LRRTM4: variants seen among roughly 807,000 people sequenced by gnomAD.
The protein encoded by LRRTM4 is leucine-rich repeat transmembrane neuronal protein 4.
Under a neutral mutation model 47.6 loss-of-function variants are expected in LRRTM4, and 25 were observed. The observed-to-expected ratio is 0.53, with a 90% CI of 0.38 to 0.73. LRRTM4 has a LOEUF of 0.73. LRRTM4 is among the 30% of genes least tolerant of loss of function. LRRTM4 has a pLI of 0.00. For missense variants in LRRTM4, 638 were observed against 713.4 expected (o/e 0.89, Z 1.20); for synonymous variants, 311 against 269.5 (o/e 1.15, Z -1.51).
intron 3 of LRRTM4, among the ~76,000 whole-genome samples, chr2:77,044,932 T>C (rs1393526253): frequency 6.6e-6 from 1 of 151,862 alleles, no homozygotes; most frequent in Non-Finnish European, 1.5e-5. Context: ...TATATGTGTA[T>C]ATGTGTGTGT....
intron 3 of LRRTM4, among the ~76,000 whole-genome samples, chr2:77,216,544 A>AAAAT (rs1043864227): frequency 2.6e-4 from 39 of 152,132 alleles, no homozygotes; most frequent in Admixed American, 7.2e-4. Flanking sequence ...AATCCATCTC[A>AAAAT]AAATAAATAA....
rs888026693 is a variant in LRRTM4, at chr2:76,869,323, T to A, written c.1552-120407A>T. 1.2e-4 allele frequency among the ~76,000 whole-genome samples: 18 copies of A among 149,514 alleles called. 1 individual carries two copies. The highest frequency in any genetic ancestry group is 5.3e-4 in the Admixed American group (8 of 15,080). On this transcript the variant is annotated intron_variant, in intron 3 of 3. Coordinates refer to ENST00000409884, the MANE Select transcript of LRRTM4 (RefSeq NM_001134745.3). ...ACTTCATCTCAAAGAAAAAAAAAAA[T>A]GTAAGGTAAGGCAGAAAATTTCCAG...
intron 3 of LRRTM4, among the ~76,000 whole-genome samples, chr2:77,449,357 G>A (rs1306634341): frequency 6.6e-6 from 1 of 152,102 alleles, no homozygotes; most frequent in African/African-American, 2.4e-5. Flanking sequence ...TTTATCTCAT[G>A]TTTTAAATAA....
At chr2:76,849,233 G>A (rs888148747) in intron 3 of LRRTM4, among the ~76,000 whole-genome samples, 7 of 152,086 alleles carry the variant, frequency 4.6e-5, no homozygotes, top group Non-Finnish European at 8.8e-5. Flanking sequence ...CCAAGGAAGG[G>A]CAATCATCTG....
intron 3 of LRRTM4, among the ~76,000 whole-genome samples, chr2:76,950,267 C>T (rs1345038972): frequency 6.6e-6 from 1 of 151,904 alleles, no homozygotes; most frequent in Non-Finnish European, 1.5e-5. Flanking sequence ...TCAAAGGTCT[C>T]TATGGTAATG....
chr2:77,095,730 C>T (rs902378210), intron 3 of LRRTM4, among the ~76,000 whole-genome samples: 14 of 151,826 alleles, frequency 9.2e-5, no homozygotes, highest in South Asian at 8.3e-4. Flanking sequence ...GGCTGGTCTC[C>T]GACTCCTGAC....
chr2:77,088,538 C>A (rs1680805366), intron 3 of LRRTM4, among the ~76,000 whole-genome samples: 2 of 151,724 alleles, frequency 1.3e-5, no homozygotes, highest in Non-Finnish European at 2.9e-5. Context: ...CTACCCAAAT[C>A]CTATAAAACG....
chr2:76,898,412 T>C (rs1011483184), intron 3 of LRRTM4, among the ~76,000 whole-genome samples: 34 of 151,800 alleles, frequency 2.2e-4, no homozygotes, highest in African/African-American at 8.0e-4. Context: ...TAGAAAGGAG[T>C]AATCTCGAAA....
intron 3 of LRRTM4, among the ~76,000 whole-genome samples, chr2:76,807,445 CATATATATATAT>C (rs779192487): frequency 5.8e-5 from 4 of 69,302 alleles, no homozygotes; most frequent in African/African-American, 3.6e-4. Flanking sequence ...TACGTATATA[CATATATATATAT>C]ACATATATAT....
At chr2:77,507,015 G>T (rs979393964) in intron 3 of LRRTM4, among the ~76,000 whole-genome samples, 1 of 151,852 alleles carries the variant, frequency 6.6e-6, no homozygotes, top group Admixed American at 6.6e-5. Flanking sequence ...TTATGTTCCA[G>T]AATTTTTAAA....
At chr2:77,400,369 A>G (rs932650465) in intron 3 of LRRTM4, among the ~76,000 whole-genome samples, 17 of 151,914 alleles carry the variant, frequency 1.1e-4, no homozygotes, top group Non-Finnish European at 2.1e-4. Flanking sequence ...CAGAACTGTC[A>G]TTGATTTCTT....
intron 3 of LRRTM4, among the ~76,000 whole-genome samples, chr2:76,994,273 G>T (rs1189056604): frequency 6.6e-6 from 1 of 151,410 alleles, no homozygotes; most frequent in Non-Finnish European, 1.5e-5. Context: ...AGCAGAAGTT[G>T]AAATTATTTT....
intron 3 of LRRTM4, among the ~76,000 whole-genome samples, chr2:77,196,956 T>TTTTTC (rs1325132202): frequency 6.6e-6 from 1 of 152,154 alleles, no homozygotes; most frequent in Non-Finnish European, 1.5e-5. Context: ...GCTTACCAAT[T>TTTTTC]TTTTCTTCTA....
At chr2:77,004,841 G>C (rs1211627647) in intron 3 of LRRTM4, among the ~76,000 whole-genome samples, 2 of 152,162 alleles carry the variant, frequency 1.3e-5, no homozygotes. Context: ...GCATGACCTA[G>C]ATGTGAAACA....
At position 76,845,154 on chromosome 2, in the gene LRRTM4, C is replaced by T. The variant is rs1352944277; in HGVS notation, c.1552-96238G>A. ...CTGAAAGACAATCAGAATAATAATA[C>T]CAATGCATATGACACAACTGCAAAA... is the stretch of plus-strand genomic sequence containing the variant. On this transcript the variant is annotated intron_variant, in intron 3 of 3. Transcript: ENST00000409884. Among the ~76,000 whole-genome samples the T allele has an allele frequency of 2.0e-5, 3 of 152,018 alleles. No individual in the cohort carries two copies. In the East Asian group the frequency reaches 5.8e-4, roughly 29 times the overall value.
At chr2:77,520,004 A>G in intron 2 of LRRTM4, 140 bp from the exon 3 acceptor site, 1 of 1,368,974 alleles carries the variant, frequency 7.3e-7, no homozygotes. Flanking sequence ...CATTTCGAGC[A>G]TTATTTTCTT....
intron 3 of LRRTM4, among the ~76,000 whole-genome samples, chr2:77,406,309 T>C (rs1382549388): frequency 6.6e-6 from 1 of 152,110 alleles, no homozygotes; most frequent in Non-Finnish European, 1.5e-5. Flanking sequence ...ACAGGGACTC[T>C]TACATGCATT....
intron 3 of LRRTM4, among the ~76,000 whole-genome samples, chr2:76,939,976 T>C (rs1447057481): frequency 6.6e-6 from 1 of 152,070 alleles, no homozygotes; most frequent in Non-Finnish European, 1.5e-5. Flanking sequence ...TCTTTTCTTT[T>C]ATTCAAAAAA....
intron 3 of LRRTM4, among the ~76,000 whole-genome samples, chr2:76,757,622 T>C (rs950726590): frequency 6.6e-6 from 1 of 152,132 alleles, no homozygotes; most frequent in Non-Finnish European, 1.5e-5. Flanking sequence ...GTCTCCCCAA[T>C]AGTGCATTGT....
Sources: allele counts gnomAD v4.1 joint callset (sites outside exome capture counted in the v4.1 genomes callset), GRCh38; gene constraint gnomAD v4.1.1; transcripts MANE v1.5; gene names NCBI Gene and HGNC (gene_info 2026-07-23, HGNC 2026-07-21).